The following PAPPA2 variants were observed in gnomAD, a reference collection of about 807,000 sequenced individuals.
PAPPA2 encodes pappalysin-2.
A neutral mutation model predicts 176.4 loss-of-function variants in PAPPA2; 86 were observed. That is an observed-to-expected ratio of 0.49 (90% CI 0.41 to 0.58). The LOEUF (loss-of-function observed/expected upper bound fraction) is 0.58, where lower values mean the gene tolerates loss of function less well. Among genes scored for constraint, PAPPA2 ranks in the 20% least tolerant of loss-of-function variants. PAPPA2 has a pLI of 0.00. For synonymous variants in PAPPA2, 809 were observed against 852.2 expected (o/e 0.95, Z 0.88); for missense variants, 2,073 against 2,256.9 (o/e 0.92, Z 1.65).
chr1:176,567,361 C>T (rs147850127), intron 2 of PAPPA2, among the ~76,000 whole-genome samples: 21 of 152,250 alleles, frequency 1.4e-4, no homozygotes, highest in African/African-American at 4.8e-4. Flanking sequence ...GCTATCAAGA[C>T]GAGCAAGTAT....
chr1:176,720,358 TTAA>T (rs1661561905), intron 12 of PAPPA2, among the ~76,000 whole-genome samples: 2 of 152,164 alleles, frequency 1.3e-5, no homozygotes, highest in African/African-American at 4.8e-5. Context: ...GTAATCATAT[TTAA>T]TATGCTTAGT....
At chr1:176,718,925 C>T (rs1363864982) in intron 12 of PAPPA2, among the ~76,000 whole-genome samples, 2 of 151,816 alleles carry the variant, frequency 1.3e-5, no homozygotes, top group East Asian at 3.9e-4. Flanking sequence ...TTGAAATTTC[C>T]TATACTATAT....
intron 1 of PAPPA2, among the ~76,000 whole-genome samples, chr1:176,493,567 A>G (rs1242303594): frequency 6.6e-6 from 1 of 152,202 alleles, no homozygotes; most frequent in African/African-American, 2.4e-5. Context: ...AACCAATAGC[A>G]TGAGAGCAGA....
At chr1:176,615,527 C>T (rs1655156034) in intron 3 of PAPPA2, among the ~76,000 whole-genome samples, 1 of 152,060 alleles carries the variant, frequency 6.6e-6, no homozygotes, top group African/African-American at 2.4e-5. Context: ...CGGGGTTTCA[C>T]TGTATTAGCC....
In PAPPA2 at chr1:176,711,947, G is replaced by A; in HGVS notation, c.3764G>A (p.Gly1255Asp). 1 of 1,613,546 alleles carries A rather than the reference G, an allele frequency of 6.2e-7. No individual in the cohort carries two copies. The highest frequency in any genetic ancestry group is 8.5e-7 in the Non-Finnish European group (1 of 1,179,538). Residue 1255 changes from glycine (G) to aspartate (D), a missense_variant, in exon 12 of 23, where the codon GGT becomes GAT. Gly to Asp is a moderately conservative substitution (Grantham distance 94, BLOSUM62 -1). Around this residue, in one of 4 missense-constraint regions of PAPPA2, gnomAD observed 846 missense variants for 857.9 expected, o/e 0.99. Transcript: ENST00000367662. ...TQDDRSEQPE[G>D]SLKKEDEVWL... ...GATGACAGGAGTGAACAGCCAGAAG[G>A]TAGCCTGAAGAAAGAGGATGAGGTT...
At chr1:176,562,435 G>A (rs1184337689) in intron 2 of PAPPA2, among the ~76,000 whole-genome samples, 1 of 152,202 alleles carries the variant, frequency 6.6e-6, no homozygotes, top group African/African-American at 2.4e-5. Context: ...AATGACAGGT[G>A]AAGAGACAAA....
chr1:176,816,152 GTATATATATATATATATATATATA>G (rs373739173), intron 21 of PAPPA2, among the ~76,000 whole-genome samples: 992 of 42,292 alleles, frequency 0.023, 24 homozygotes, highest in African/African-American at 0.072. Flanking sequence ...CTTTCACAGT[GTATATATATATATATATATATATA>G]TATATATATA....
chr1:176,623,707 T>TTC (rs59847550), intron 3 of PAPPA2, among the ~76,000 whole-genome samples: 15 of 109,858 alleles, frequency 1.4e-4, no homozygotes, highest in African/African-American at 5.7e-4. Context: ...CCTTTCTTTC[T>TTC]TTTCTTCTTT....
chr1:176,740,130 G>T lies in PAPPA2; in HGVS notation c.4085G>T (p.Arg1362Leu). ...ISAVALRTSS[R>L]IGLSAPSNCI... The stretch of plus-strand genomic sequence containing the variant: ...GCTGTGGCTCTAAGGACATCCTCCC[G>T]CATTGGTCTTTCGGCTCCCAGTAAC... Residue 1362 changes from arginine (R) to leucine (L), a missense_variant, in exon 14 of 23, where the codon CGC becomes CTC. Physicochemically the swap from Arg to Leu is moderately radical, Grantham distance 102. Transcript: ENST00000367662. 6.2e-7 allele frequency: 1 copy of T among 1,613,834 alleles called. No individual in the cohort carries two copies. The highest frequency in any genetic ancestry group is 8.5e-7 in the Non-Finnish European group (1 of 1,179,860).
intron 2 of PAPPA2, among the ~76,000 whole-genome samples, chr1:176,581,750 T>C (rs1451655691): frequency 1.3e-5 from 2 of 152,084 alleles, no homozygotes; most frequent in East Asian, 3.8e-4. Flanking sequence ...TGATTTCTTT[T>C]TTAGATTGAT....
In PAPPA2 at chr1:176,842,243, G is replaced by A. The variant is rs138919352; in HGVS notation, c.5302-137G>A. 70 of 736,192 alleles carry A rather than the reference G, an allele frequency of 9.5e-5. No individual in the cohort carries two copies. The African/African-American group carries it at 9.9e-4, about 10-fold the overall frequency. The allele number at this position is 736,192 out of a possible 1,614,324, so 45.6% of individuals were successfully genotyped here. A position where few individuals can be genotyped will look rare whatever the true frequency, so the allele number is the denominator to read the frequency against. ...CATGATGTGTGAGTGGGAAAACTGC[G>A]TGTTAATTTCCAGTTTGTGATATTG... On this transcript the variant is annotated intron_variant, in intron 22 of 22. Coordinates refer to ENST00000367662, the MANE Select transcript of PAPPA2 (RefSeq NM_020318.3).
chr1:176,496,862 A>G (rs1162970289), intron 1 of PAPPA2, among the ~76,000 whole-genome samples: 1 of 152,226 alleles, frequency 6.6e-6, no homozygotes, highest in Non-Finnish European at 1.5e-5. Flanking sequence ...GGACTTGTCC[A>G]CGGTCACATT....
intron 1 of PAPPA2, among the ~76,000 whole-genome samples, chr1:176,528,522 G>T (rs1649615732): frequency 6.6e-6 from 1 of 152,172 alleles, no homozygotes; most frequent in African/African-American, 2.4e-5. Flanking sequence ...CCAAATGTTG[G>T]TTTCTTTCCC....
intron 1 of PAPPA2, among the ~76,000 whole-genome samples, chr1:176,471,618 T>C (rs1362164774): frequency 6.6e-6 from 1 of 152,192 alleles, no homozygotes; most frequent in African/African-American, 2.4e-5. Flanking sequence ...GAAAGTAATA[T>C]ACTGACTTCC....
chr1:176,635,474 G>T (rs1002434012), intron 3 of PAPPA2, among the ~76,000 whole-genome samples: 1 of 152,070 alleles, frequency 6.6e-6, no homozygotes, highest in African/African-American at 2.4e-5. Context: ...CTCAGGTTTG[G>T]CCAGCCATCT....
chr1:176,602,443 A>G (rs1654381880), intron 3 of PAPPA2, among the ~76,000 whole-genome samples: 1 of 152,200 alleles, frequency 6.6e-6, no homozygotes, highest in South Asian at 2.1e-4. Context: ...GAACAGGTGA[A>G]GAAGTTGATG....
At chr1:176,514,330 A>AG (rs1648781436) in intron 1 of PAPPA2, among the ~76,000 whole-genome samples, 1 of 152,140 alleles carries the variant, frequency 6.6e-6, no homozygotes, top group South Asian at 2.1e-4. Context: ...ACTAACAGAG[A>AG]GGGAACCCAC....
In PAPPA2 at chr1:176,745,158, A is replaced by G. The variant is rs931476576; in HGVS notation, c.4151+4962A>G. Reference sequence around the variant, plus strand: ...ATAGTAGAGCTGGATTTTTATCACTATTTATCCTTTGCCAACGGGTATCAT... The same window carrying G: ...ATAGTAGAGCTGGATTTTTATCACTGTTTATCCTTTGCCAACGGGTATCAT... On this transcript the variant is annotated intron_variant, in intron 14 of 22. Coordinates refer to ENST00000367662, the MANE Select transcript of PAPPA2 (RefSeq NM_020318.3). 2.0e-5 allele frequency among the ~76,000 whole-genome samples: 3 copies of G among 152,122 alleles called. No homozygotes were observed. In the South Asian group the frequency reaches 6.2e-4, roughly 31 times the overall value.
intron 3 of PAPPA2, among the ~76,000 whole-genome samples, chr1:176,596,565 C>T (rs569482872): frequency 6.6e-6 from 1 of 152,314 alleles, no homozygotes; most frequent in South Asian, 2.1e-4. Flanking sequence ...ATTTAAATTT[C>T]CTGTTTAACA....
Sources: gnomAD v4.1 joint callset for allele counts (sites outside exome capture counted in the v4.1 genomes callset) on GRCh38, gnomAD v4.1.1 for gene constraint, gnomAD v4.1.1 regional missense constraint, MANE v1.5 for transcripts, NCBI Gene and HGNC (gene_info 2026-07-23, HGNC 2026-07-21) for gene names.